The following PTPRD variants were observed in gnomAD, a reference collection of about 807,000 sequenced individuals.
The protein encoded by PTPRD is protein tyrosine phosphatase receptor type D, also known as receptor-type tyrosine-protein phosphatase delta.
In PTPRD, 34 loss-of-function variants were observed where a neutral mutation model predicts 214.5. The observed-to-expected ratio is 0.16, with a 90% CI of 0.12 to 0.21. The LOEUF is 0.21. Among genes scored for constraint, PTPRD ranks in the 10% least tolerant of loss-of-function variants. PTPRD has a pLI of 1.00. For missense variants in PTPRD, 2,545 were observed against 2,398.7 expected, an observed-to-expected ratio of 1.06 and a Z score of -1.27; for synonymous variants, 1,128 against 845.7, an observed-to-expected ratio of 1.33 and a Z score of -5.79.
At chr9:10,538,546 C>T (rs940788035) in intron 2 of PTPRD, among the ~76,000 whole-genome samples, 1 of 151,950 alleles carries the variant, frequency 6.6e-6, no homozygotes, top group South Asian at 2.1e-4. Context: ...ATGATGATTC[C>T]CATGCCAGTT....
intron 44 of PTPRD, among the ~76,000 whole-genome samples, chr9:8,329,109 G>A (rs924173640): frequency 3.2e-4 from 48 of 152,010 alleles, no homozygotes; most frequent in Admixed American, 1.4e-3. Flanking sequence ...GAGAAGAGGC[G>A]TGCTGGTTTT....
At chr9:8,528,320 A>T (rs1307297421) in intron 15 of PTPRD, 1 of 485,700 alleles carries the variant, frequency 2.1e-6, no homozygotes, top group Non-Finnish European at 3.6e-6. Flanking sequence ...AAAAAGCAGT[A>T]AATTAAAAAA....
intron 5 of PTPRD, among the ~76,000 whole-genome samples, chr9:9,876,048 G>C (rs1459388466): frequency 2.0e-5 from 3 of 152,046 alleles, no homozygotes; most frequent in Non-Finnish European, 2.9e-5. Context: ...AGCAAAGAAG[G>C]AAGGAATAAA....
At chr9:9,338,439 A>G (rs1401365738) in intron 9 of PTPRD, among the ~76,000 whole-genome samples, 2 of 152,216 alleles carry the variant, frequency 1.3e-5, no homozygotes, top group Non-Finnish European at 2.9e-5. Flanking sequence ...AGAATTTTAC[A>G]AAACAAGAAA....
intron 11 of PTPRD, among the ~76,000 whole-genome samples, chr9:8,968,838 T>C (rs1049001330): frequency 5.9e-5 from 9 of 152,032 alleles, no homozygotes; most frequent in African/African-American, 1.4e-4. Context: ...AGCAAGATCA[T>C]TGAGACAAAG....
chr9:10,043,079 C>CA (rs2097326449), intron 3 of PTPRD, among the ~76,000 whole-genome samples: 1 of 151,860 alleles, frequency 6.6e-6, no homozygotes, highest in African/African-American at 2.4e-5. Context: ...TCTACACAAA[C>CA]AGAGGGCAGT....
chr9:9,368,601 C>G (rs1370894748), intron 9 of PTPRD, among the ~76,000 whole-genome samples: 2 of 151,746 alleles, frequency 1.3e-5, no homozygotes, highest in Non-Finnish European at 2.9e-5. Context: ...AAAGATTATT[C>G]TTAAATGTCC....
At chr9:8,760,765 A>C (rs1434272) in intron 11 of PTPRD, among the ~76,000 whole-genome samples, 78,838 of 151,872 alleles carry the variant, frequency 0.52, 20,969 homozygotes, top group Middle Eastern at 0.62. Flanking sequence ...CTTTCTAGTG[A>C]TTATTCTAGG....
intron 2 of PTPRD, among the ~76,000 whole-genome samples, chr9:10,388,352 T>G (rs977047697): frequency 6.6e-6 from 1 of 151,746 alleles, no homozygotes; most frequent in African/African-American, 2.4e-5. Context: ...ATATGCTTCC[T>G]GACTAGGGAA....
chr9:10,512,063 T>TATAC (rs2048475085), intron 2 of PTPRD, among the ~76,000 whole-genome samples: 2 of 146,474 alleles, frequency 1.4e-5, no homozygotes, highest in Non-Finnish European at 3.0e-5. Flanking sequence ...TATATATATA[T>TATAC]GAAGTAAAAA....
At chr9:9,148,593 C>T (rs751776761) in intron 10 of PTPRD, among the ~76,000 whole-genome samples, 5 of 152,060 alleles carry the variant, frequency 3.3e-5, no homozygotes, top group South Asian at 2.1e-4. Flanking sequence ...CCATCAGAAC[C>T]GAAACTGTGA....
At chr9:8,333,677 T>C (rs1326522057) in intron 43 of PTPRD, among the ~76,000 whole-genome samples, 1 of 152,146 alleles carries the variant, frequency 6.6e-6, no homozygotes, top group Non-Finnish European at 1.5e-5. Context: ...AGCATCATAA[T>C]GACAGAATCA....
chr9:9,274,950 A>T (rs1384994706), intron 9 of PTPRD, among the ~76,000 whole-genome samples: 1 of 143,512 alleles, frequency 7.0e-6, no homozygotes, highest in Admixed American at 7.4e-5. Flanking sequence ...TAAACATGAA[A>T]AAAGTCTTTG....
intron 5 of PTPRD, among the ~76,000 whole-genome samples, chr9:9,767,065 A>G (rs1179283641): frequency 6.6e-6 from 1 of 151,962 alleles, no homozygotes; most frequent in African/African-American, 2.4e-5. Context: ...ACTCTGTAAT[A>G]CTTCATAATT....
At chr9:8,640,573 A>T (rs112580477) in intron 12 of PTPRD, among the ~76,000 whole-genome samples, 1,622 of 151,202 alleles carry the variant, frequency 0.011, 37 homozygotes, top group African/African-American at 0.037. Flanking sequence ...AAAAAAAAAA[A>T]AACAAAAAAA....
chr9:10,239,265 T>G (rs1226865083), intron 3 of PTPRD, among the ~76,000 whole-genome samples: 1 of 151,900 alleles, frequency 6.6e-6, no homozygotes. Flanking sequence ...TTTGATAGAA[T>G]TATACAATGA....
chr9:8,477,375 C>A (rs866099963), intron 30 of PTPRD, among the ~76,000 whole-genome samples: 3 of 152,002 alleles, frequency 2.0e-5, no homozygotes, highest in Middle Eastern at 3.2e-3. Context: ...TTAAATCTAA[C>A]CTTCAGAGTT....
intron 7 of PTPRD, among the ~76,000 whole-genome samples, chr9:9,723,687 G>A (rs2098015097): frequency 6.6e-6 from 1 of 151,788 alleles, no homozygotes; most frequent in Non-Finnish European, 1.5e-5. Context: ...TAGATCTTTG[G>A]TTTTCCCCAT....
chr9:8,674,716 C>T (rs1362439419), intron 12 of PTPRD, among the ~76,000 whole-genome samples: 1 of 152,012 alleles, frequency 6.6e-6, no homozygotes, highest in Non-Finnish European at 1.5e-5. Context: ...TGTTTGGCTC[C>T]CCTGGGCTAG....
Sources: gnomAD v4.1 joint callset for allele counts (sites outside exome capture counted in the v4.1 genomes callset) on GRCh38, gnomAD v4.1.1 for gene constraint, MANE v1.5 for transcripts, NCBI Gene and HGNC (gene_info 2026-07-23, HGNC 2026-07-21) for gene names.